Variants in FOXK1 observed in about 807,000 individuals in gnomAD.
FOXK1 encodes forkhead box protein K1.
FOXK1 carries 19 observed loss-of-function variants against 51.9 expected under a neutral mutation model. The ratio of observed to expected loss-of-function variants is 0.37; its 90% confidence interval spans 0.26 to 0.54. The LOEUF (loss-of-function observed/expected upper bound fraction) is 0.54, where lower values mean the gene tolerates loss of function less well. Ranked by LOEUF, FOXK1 falls within the 20% of genes least tolerant of loss-of-function variation. FOXK1 has a pLI of 0.87. For missense variants in FOXK1, 870 were observed against 1,032.7 expected, an observed-to-expected ratio of 0.84 and a Z score of 2.16; for synonymous variants, 537 against 482.6, an observed-to-expected ratio of 1.11 and a Z score of -1.48.
chr7:4,684,381 G>A (rs1779792731), intron 1 of FOXK1, among the ~76,000 whole-genome samples: 1 of 152,118 alleles, frequency 6.6e-6, no homozygotes, highest in African/African-American at 2.4e-5. Context: ...TTTAGTCTTG[G>A]CATGTTTGGT....
chr7:4,714,252 C>A (rs754745107), intron 1 of FOXK1, among the ~76,000 whole-genome samples: 1 of 152,160 alleles, frequency 6.6e-6, no homozygotes, highest in Admixed American at 6.5e-5. Context: ...CAGAGATCAT[C>A]TTTTCATGTT....
At position 4,758,784 on chromosome 7, in the gene FOXK1, C is replaced by T. The variant is rs1231810141; in HGVS notation, c.1245-267C>T. ...GCTGGACCTCGGTGGAAGTGAACTC[C>T]GTAGGTTGTTGCGTTCACTGCAGCA... On this transcript the variant is annotated intron_variant, in intron 5 of 8. Coordinates refer to ENST00000328914, the MANE Select transcript of FOXK1 (RefSeq NM_001037165.2). This position sits in a 1 kb window ranked among gnomAD's most constrained non-coding sequence, Gnocchi z 4.4. 4 of 461,400 alleles carry T rather than the reference C, an allele frequency of 8.7e-6. No homozygotes were observed. Among genetic ancestry groups the T allele is most frequent in the African/African-American group, 2.0e-5 (1 of 48,800 alleles). The allele number at this position is 461,400 out of a possible 1,614,324, so 28.6% of individuals were successfully genotyped here. A position where few individuals can be genotyped will look rare whatever the true frequency, so the allele number is the denominator to read the frequency against.
intron 1 of FOXK1, among the ~76,000 whole-genome samples, chr7:4,738,121 T>C (rs1224479436): frequency 4.2e-5 from 5 of 119,664 alleles, no homozygotes; most frequent in African/African-American, 1.6e-4. Flanking sequence ...AAACTCTGCC[T>C]CAAAAAGAGA....
intron 1 of FOXK1, among the ~76,000 whole-genome samples, chr7:4,692,704 G>A (rs113032284): frequency 0.035 from 5,249 of 152,048 alleles, 125 homozygotes; most frequent in Non-Finnish European, 0.053. Flanking sequence ...TTGAGCCACC[G>A]CACCCGGCTG....
At chr7:4,704,834 CTT>C (rs775099211) in intron 1 of FOXK1, among the ~76,000 whole-genome samples, 9 of 131,306 alleles carry the variant, frequency 6.9e-5, no homozygotes, top group Non-Finnish European at 9.4e-5. Flanking sequence ...ATGTTTCATT[CTT>C]TTTTTTTTTT....
chr7:4,688,913 C>T (rs1050777305), intron 1 of FOXK1, among the ~76,000 whole-genome samples: 1 of 151,778 alleles, frequency 6.6e-6, no homozygotes, highest in Admixed American at 6.6e-5. Context: ...GTGTCCCCCA[C>T]AATTTGTAAC....
intron 1 of FOXK1, among the ~76,000 whole-genome samples, chr7:4,713,719 T>C (rs1780202668): frequency 6.6e-6 from 1 of 152,142 alleles, no homozygotes; most frequent in African/African-American, 2.4e-5. Flanking sequence ...CTCCGACTCC[T>C]GACCTCGTGA....
rs56842360 is a variant in FOXK1, at chr7:4,705,517, T to TTCTCTCTCTCTCTCTCTCTC, written c.560+22672_560+22691dup. On this transcript the variant is annotated intron_variant, in intron 1 of 8. Transcript: ENST00000328914. Reference sequence around the variant, plus strand: ...ATTCTTCTGTGTCATTTCCTTCTCTTTCTCTCTCTCTCTCTCTCTCTCTCT... The same window carrying TTCTCTCTCTCTCTCTCTCTC: ...ATTCTTCTGTGTCATTTCCTTCTCTTTCTCTCTCTCTCTCTCTCTCTCTCTCTCTCTCTCTCTCTCTCTCT... Among the ~76,000 whole-genome samples the TTCTCTCTCTCTCTCTCTCTC allele has an allele frequency of 5.4e-4, 60 of 111,538 alleles. 2 individuals are homozygous for TTCTCTCTCTCTCTCTCTCTC. The highest frequency in any genetic ancestry group is 1.7e-3 in the African/African-American group (48 of 28,782). 73.2% of individuals were successfully genotyped at this position (111,538 alleles called of 152,430 possible).
chr7:4,708,035 T>C (rs1780126857), intron 1 of FOXK1, among the ~76,000 whole-genome samples: 1 of 151,930 alleles, frequency 6.6e-6, no homozygotes, highest in African/African-American at 2.4e-5. Context: ...GAGAGTGCCC[T>C]GGTGCTGGGG....
At chr7:4,721,289 G>A (rs1780305889) in intron 1 of FOXK1, among the ~76,000 whole-genome samples, 2 of 152,098 alleles carry the variant, frequency 1.3e-5, no homozygotes, top group Admixed American at 6.6e-5. Context: ...GAAACCCCCC[G>A]GAGCTCCCCA....
chr7:4,727,229 G>T (rs1175333708), intron 1 of FOXK1, among the ~76,000 whole-genome samples: 2 of 152,196 alleles, frequency 1.3e-5, no homozygotes, highest in Non-Finnish European at 2.9e-5. Context: ...TGGGATTACA[G>T]GCGTGAGCCA....
chr7:4,732,085 C>T (rs1170554351), intron 1 of FOXK1, among the ~76,000 whole-genome samples: 1 of 152,218 alleles, frequency 6.6e-6, no homozygotes, highest in East Asian at 1.9e-4. Context: ...CACTGTTCCA[C>T]TTGGGCTTCT....
intron 1 of FOXK1, among the ~76,000 whole-genome samples, chr7:4,720,300 GTTC>G (rs911820527): frequency 1.0e-4 from 15 of 144,564 alleles, no homozygotes; most frequent in African/African-American, 4.0e-4. Context: ...TCTGCTTTCT[GTTC>G]TTCTTCTGGG....
In FOXK1 at chr7:4,715,415, G is replaced by A. The variant is rs531586841; in HGVS notation, c.561-25423G>A. On this transcript the variant is annotated intron_variant, in intron 1 of 8. Transcript: ENST00000328914. This position sits in a 1 kb window ranked among gnomAD's most constrained non-coding sequence, Gnocchi z 4.5. ...ATGGGATCGCACGGTGGTCCAGATC[G>A]TCTGTGCACCCATCCTTGCCCTGCC... is the stretch of plus-strand genomic sequence containing the variant. 1.1e-3 allele frequency among the ~76,000 whole-genome samples: 175 copies of A among 152,192 alleles called. 3 individuals carry two copies. The highest frequency in any genetic ancestry group is 4.2e-3 in the African/African-American group (173 of 41,526).
rs1473378539 is a variant in FOXK1, at chr7:4,745,381, C to A, written c.746+4358C>A. ...CTGATCAGCTGCCCCTGCCCCCGCC[C>A]CCCGCGCCACCCTGCGTCCTTCCTT... On this transcript the variant is annotated intron_variant, in intron 2 of 8. Transcript: ENST00000328914. This position sits in a 1 kb window ranked among gnomAD's most constrained non-coding sequence, Gnocchi z 4.3. Among the ~76,000 whole-genome samples the A allele has an allele frequency of 6.6e-6, 1 of 152,114 alleles. No individual in the cohort carries two copies. Among genetic ancestry groups the A allele is most frequent in the Non-Finnish European group, 1.5e-5 (1 of 68,018 alleles).
chr7:4,740,150 G>T (rs1239964476), intron 1 of FOXK1, among the ~76,000 whole-genome samples: 3 of 152,112 alleles, frequency 2.0e-5, no homozygotes, highest in African/African-American at 7.2e-5. Flanking sequence ...CAAAAAATTG[G>T]CCAGGCGCGG....
chr7:4,697,544 G>T (rs186265799), intron 1 of FOXK1, among the ~76,000 whole-genome samples: 1 of 152,296 alleles, frequency 6.6e-6, no homozygotes, highest in South Asian at 2.1e-4. Context: ...CTGGTGGCCC[G>T]TCTGCACACC....
At chr7:4,704,176 C>A (rs1028478463) in intron 1 of FOXK1, among the ~76,000 whole-genome samples, 1 of 152,002 alleles carries the variant, frequency 6.6e-6, no homozygotes, top group Non-Finnish European at 1.5e-5. Context: ...CCTGGCCGGG[C>A]GTGGTGGCGC....
At position 4,761,260 on chromosome 7, in the gene FOXK1, C is replaced by T; in HGVS notation, c.1893C>T (p.Pro631=). Residue 631 remains proline (P), a synonymous_variant, in exon 8 of 9, where the codon CCC becomes CCT. Coordinates refer to ENST00000328914, the MANE Select transcript of FOXK1 (RefSeq NM_001037165.2). The surrounding 1 kb of genome is among the most constrained non-coding windows in gnomAD (Gnocchi z 6.2). The stretch of plus-strand genomic sequence containing the variant: ...CCCAGAACGGAAAGCATGCGGTTCC[C>T]ACGAACAGTTTAGCCGGCAACGCTT... ...AVTQNGKHAV[P]TNSLAGNAYA... The T allele has an allele frequency of 6.2e-7, 1 of 1,612,962 alleles. No homozygotes were observed. The highest frequency in any genetic ancestry group is 1.1e-5 in the South Asian group (1 of 91,086).
Sources: gnomAD v4.1 joint callset for allele counts (sites outside exome capture counted in the v4.1 genomes callset) on GRCh38, gnomAD v4.1.1 for gene constraint, Gnocchi (gnomAD v3.1) non-coding constraint, MANE v1.5 for transcripts, NCBI Gene and HGNC (gene_info 2026-07-23, HGNC 2026-07-21) for gene names.